PAPSS2: variants seen among roughly 807,000 people sequenced by gnomAD.
PAPSS2 encodes bifunctional 3'-phosphoadenosine 5'-phosphosulfate synthase 2.
PAPSS2 carries 61 observed loss-of-function variants against 66.5 expected under a neutral mutation model. That is an observed-to-expected ratio of 0.92 (90% CI 0.75 to 1.14). The LOEUF (loss-of-function observed/expected upper bound fraction) is 1.14, where lower values mean the gene tolerates loss of function less well. Ranked by LOEUF, PAPSS2 falls within the 50% of genes most tolerant of loss-of-function variation. The probability of loss-of-function intolerance (pLI) is 0.00; values close to 1 mark genes in which losing one functional copy is unlikely to be tolerated. For synonymous variants in PAPSS2, 289 were observed against 287.5 expected (o/e 1.01, Z -0.05); for missense variants, 708 against 789.6 (o/e 0.90, Z 1.24).
At chr10:87,719,527 CGGGAG>C (rs1853570294) in intron 7 of PAPSS2, among the ~76,000 whole-genome samples, 1 of 152,136 alleles carries the variant, frequency 6.6e-6, no homozygotes, top group Non-Finnish European at 1.5e-5. Flanking sequence ...GAGCCTAAGG[CGGGAG>C]GATCACTTGA....
At chr10:87,714,724 T>C (rs780123670) in intron 4 of PAPSS2, 21 bp from the exon 5 acceptor site, 6 of 1,266,478 alleles carry the variant, frequency 4.7e-6, no homozygotes, top group Non-Finnish European at 4.6e-6. Flanking sequence ...ATGCGATGAT[T>C]GTCACCCATA....
chr10:87,704,117 C>T (rs186343152), intron 1 of PAPSS2: 53 of 442,190 alleles, frequency 1.2e-4, no homozygotes, highest in African/African-American at 9.8e-4. Flanking sequence ...TTGCCTTTTG[C>T]AAAACCTCAA....
intron 1 of PAPSS2, among the ~76,000 whole-genome samples, chr10:87,676,922 A>T (rs1372212309): frequency 7.1e-6 from 1 of 141,602 alleles, no homozygotes; most frequent in African/African-American, 2.6e-5. Flanking sequence ...GGCCGGATGC[A>T]GTGGCTCATG....
At chr10:87,697,509 G>A (rs577334221) in intron 1 of PAPSS2, among the ~76,000 whole-genome samples, 3 of 152,296 alleles carry the variant, frequency 2.0e-5, no homozygotes, top group East Asian at 1.9e-4. Context: ...AGGAGCTGTC[G>A]TCAGGGTGTG....
At chr10:87,741,909 C>T (rs940971381) in intron 10 of PAPSS2, among the ~76,000 whole-genome samples, 2 of 152,018 alleles carry the variant, frequency 1.3e-5, no homozygotes, top group Non-Finnish European at 2.9e-5. Flanking sequence ...AGGCACATGC[C>T]ACCATACTCT....
At chr10:87,730,274 CCCGATGGGGTAGAGAAGCTTATATACCAT>C (rs1853712837) in intron 9 of PAPSS2, among the ~76,000 whole-genome samples, 1 of 152,040 alleles carries the variant, frequency 6.6e-6, no homozygotes, top group African/African-American at 2.4e-5. Flanking sequence ...TACTCCTTAC[CCCGATGGGGTAGAGAAGCTTATATACCAT>C]CCTGAGATTA....
intron 2 of PAPSS2, among the ~76,000 whole-genome samples, chr10:87,711,749 C>A (rs75805470): frequency 8.5e-5 from 13 of 152,152 alleles, no homozygotes; most frequent in African/African-American, 2.4e-4. Context: ...CCTTCCCCCC[C>A]ACCCAAATCC....
In PAPSS2 at chr10:87,713,312, T is replaced by TAACAAAAAAAAAAAAAA. The variant is rs1853487715; in HGVS notation, c.381+4_381+5insCAAAAAAAAAAAAAAAA. On this transcript the variant is annotated splice_region_variant and intron_variant, in intron 3 of 12. Coordinates refer to ENST00000456849, the MANE Select transcript of PAPSS2 (RefSeq NM_001015880.2). ...AGCTTTATTTCTCCATTCGCAAAGGTAAAAAAAAAAAAAAAAAAAAAAGGC... is the reference window on the plus strand; with the variant it reads ...AGCTTTATTTCTCCATTCGCAAAGGTAACAAAAAAAAAAAAAAAAAAAAAAAAAAAAAAAAAAAAGGC... 2.5e-6 allele frequency: 1 copy of TAACAAAAAAAAAAAAAA among 401,198 alleles called. No individual in the cohort carries two copies. 24.9% of individuals were successfully genotyped at this position (401,198 alleles called of 1,614,324 possible).
At chr10:87,716,601 C>T (rs1055663944) in intron 7 of PAPSS2, among the ~76,000 whole-genome samples, 3 of 152,096 alleles carry the variant, frequency 2.0e-5, no homozygotes, top group African/African-American at 4.8e-5. Flanking sequence ...AGCAGGGCTC[C>T]AAGCCTTTTA....
chr10:87,743,685 A>G (rs376045397), intron 11 of PAPSS2, 44 bp downstream of exon 11: 2 of 1,609,616 alleles, frequency 1.2e-6, no homozygotes, highest in East Asian at 4.5e-5. Flanking sequence ...AGGAATTCAG[A>G]CTCAGACTTT....
intron 10 of PAPSS2, among the ~76,000 whole-genome samples, chr10:87,742,252 A>G (rs1853879336): frequency 6.6e-6 from 1 of 152,244 alleles, no homozygotes; most frequent in Non-Finnish European, 1.5e-5. Context: ...GCAGAACAAT[A>G]TGTAGAGCAT....
At chr10:87,694,955 A>AG (rs1853214108) in intron 1 of PAPSS2, among the ~76,000 whole-genome samples, 1 of 152,338 alleles carries the variant, frequency 6.6e-6, no homozygotes, top group African/African-American at 2.4e-5. Context: ...GGCCAGGCCA[A>AG]GGGGGATATT....
At chr10:87,692,017 C>T (rs1306520800) in intron 1 of PAPSS2, among the ~76,000 whole-genome samples, 1 of 152,082 alleles carries the variant, frequency 6.6e-6, no homozygotes, top group African/African-American at 2.4e-5. Context: ...GAGAGGGAGT[C>T]CAGTTCAAAG....
At chr10:87,716,037 G>A (rs375160772) in intron 7 of PAPSS2, among the ~76,000 whole-genome samples, 194 bp downstream of exon 7, 2 of 152,144 alleles carry the variant, frequency 1.3e-5, no homozygotes, top group Admixed American at 6.6e-5. Flanking sequence ...GTTCTCAAAG[G>A]TTGTTCCTTT....
At chr10:87,740,560 T>C (rs972386716) in intron 9 of PAPSS2, among the ~76,000 whole-genome samples, 4 of 152,166 alleles carry the variant, frequency 2.6e-5, no homozygotes, top group South Asian at 2.1e-4. Context: ...TGTAACAGAG[T>C]ATGAGAAGTG....
intron 8 of PAPSS2, among the ~76,000 whole-genome samples, chr10:87,725,944 G>A (rs10788566): frequency 0.52 from 78,239 of 150,898 alleles, 21,491 homozygotes; most frequent in East Asian, 0.7. Flanking sequence ...AGGTCTTGCT[G>A]TGTTACCCAG....
chr10:87,716,891 T>C (rs570070924), intron 7 of PAPSS2, among the ~76,000 whole-genome samples: 1 of 152,336 alleles, frequency 6.6e-6, no homozygotes, highest in Admixed American at 6.5e-5. Context: ...GTCTCTGTTT[T>C]CAAAGCATTT....
rs1170675765 is a variant in PAPSS2 at position 87,743,528 on chromosome 10, C to T, written c.1378C>T (p.Leu460=). 1.9e-6 allele frequency: 3 copies of T among 1,614,028 alleles called. No individual in the cohort carries two copies. The highest frequency in any genetic ancestry group is 2.5e-6 in the Non-Finnish European group (3 of 1,180,022). The change falls in exon 11 of 13, where the codon CTA becomes TTA. Residue 460 remains leucine (L), a synonymous_variant. Coordinates refer to ENST00000456849, the MANE Select transcript of PAPSS2 (RefSeq NM_001015880.2). The part of the protein sequence containing the change: ...GGWTKDDDVP[L]DWRMKQHAAV... ...CTGGACCAAGGATGACGATGTGCCT[C>T]TAGACTGGCGGATGAAGCAGCACGC...
chr10:87,739,244 A>G (rs1481667584), intron 9 of PAPSS2, among the ~76,000 whole-genome samples: 1 of 152,120 alleles, frequency 6.6e-6, no homozygotes, highest in East Asian at 1.9e-4. Context: ...AGTTTTCCCA[A>G]CATTATTTGT....
Sources: gnomAD v4.1 joint callset for allele counts (sites outside exome capture counted in the v4.1 genomes callset) on GRCh38, gnomAD v4.1.1 for gene constraint, MANE v1.5 for transcripts, NCBI Gene and HGNC (gene_info 2026-07-23, HGNC 2026-07-21) for gene names.